Variants in TTLL5 observed in about 807,000 individuals in gnomAD.
TTLL5 encodes the protein tubulin tyrosine ligase like 5, also known as tubulin polyglutamylase TTLL5.
A neutral mutation model predicts 168.4 loss-of-function variants in TTLL5; 132 were observed. The ratio of observed to expected loss-of-function variants is 0.78; its 90% CI spans 0.68 to 0.91. The LOEUF is 0.91. TTLL5 is among the 40% of genes least tolerant of loss of function. TTLL5 has a pLI of 0.00. For missense variants in TTLL5, 1,545 were observed against 1,581.5 expected (o/e 0.98, Z 0.39); for synonymous variants, 546 against 558.6 (o/e 0.98, Z 0.32).
chr14:75,808,900 T>C (rs1227517034), intron 27 of TTLL5, among the ~76,000 whole-genome samples: 1 of 151,996 alleles, frequency 6.6e-6, no homozygotes, highest in African/African-American at 2.4e-5. Context: ...TGCTGGATTA[T>C]AGGTGTGTGC....
At chr14:75,897,181 G>GA (rs5809736) in intron 30 of TTLL5, among the ~76,000 whole-genome samples, 134,031 of 151,832 alleles carry the variant, frequency 0.88, 59,265 homozygotes, top group South Asian at 0.92. Flanking sequence ...TCAGACCTCA[G>GA]AAAAATGGCA....
intron 28 of TTLL5, among the ~76,000 whole-genome samples, chr14:75,822,735 G>C (rs1894901516): frequency 6.6e-6 from 1 of 152,210 alleles, no homozygotes; most frequent in Admixed American, 6.5e-5. Context: ...TTCTCCCGCT[G>C]TTTTGACATC....
chr14:75,783,365 G>T lies in TTLL5; in HGVS notation c.2821G>T (p.Ala941Ser). Residue 941 changes from alanine (A) to serine (S), a missense_variant, in exon 26 of 32, where the codon GCC (alanine) becomes TCC (serine). Physicochemically the swap from Ala to Ser is moderately conservative, Grantham distance 99. Coordinates refer to ENST00000298832, the MANE Select transcript of TTLL5 (RefSeq NM_015072.5). ...AACAATTTTACTGAACACAGTCTCT[G>T]CCAGTGCTTCTCCCTGCCTACATCC... Reference protein sequence around the residue: ...QPTILLNTVSASASPCLHPGA... With the variant: ...QPTILLNTVSSSASPCLHPGA... The T allele has an allele frequency of 6.2e-7, 1 of 1,614,096 alleles. No homozygotes were observed. The highest frequency in any genetic ancestry group is 8.5e-7 in the Non-Finnish European group (1 of 1,180,018).
chr14:75,765,370 G>A (rs1168985938), intron 19 of TTLL5, among the ~76,000 whole-genome samples: 1 of 152,108 alleles, frequency 6.6e-6, no homozygotes, highest in Non-Finnish European at 1.5e-5. Context: ...AATAAACATA[G>A]GATAGAAAGA....
At chr14:75,671,927 G>A (rs910640710) in intron 3 of TTLL5, among the ~76,000 whole-genome samples, 1 of 152,118 alleles carries the variant, frequency 6.6e-6, no homozygotes, top group Non-Finnish European at 1.5e-5. Context: ...ATAGAAAGAG[G>A]GTGTCTTTGT....
chr14:75,770,856 T>C (rs1243368430), intron 20 of TTLL5, among the ~76,000 whole-genome samples: 2 of 152,190 alleles, frequency 1.3e-5, no homozygotes, highest in Non-Finnish European at 2.9e-5. Flanking sequence ...CCTCATTTGC[T>C]CTGGGCTCCA....
rs143705641 is a variant in TTLL5, at chr14:75,928,479, C to T, written c.3824-25945C>T. Among the ~76,000 whole-genome samples, 165 of 151,272 alleles carry T rather than the reference C, an allele frequency of 1.1e-3. 1 individual carries two copies. The highest frequency in any genetic ancestry group is 3.8e-3 in the African/African-American group (155 of 41,170). ...GCTTTTATGGCAAAACACACAGACA[C>T]GCACTGAGCCACTTTTCAGCCTATA... On this transcript the variant is annotated intron_variant, in intron 31 of 31. Coordinates refer to ENST00000298832, the MANE Select transcript of TTLL5 (RefSeq NM_015072.5).
chr14:75,857,955 A>G (rs1897219132), intron 28 of TTLL5, among the ~76,000 whole-genome samples: 1 of 152,088 alleles, frequency 6.6e-6, no homozygotes, highest in South Asian at 2.1e-4. Flanking sequence ...CTGGCATAGA[A>G]TTCATTTTGT....
intron 29 of TTLL5, among the ~76,000 whole-genome samples, chr14:75,866,971 A>G (rs2030571187): frequency 6.6e-6 from 1 of 152,238 alleles, no homozygotes; most frequent in Non-Finnish European, 1.5e-5. Context: ...ACAAAATAAG[A>G]CAAAATTGAA....
chr14:75,913,674 TA>T (rs765739891), intron 31 of TTLL5, among the ~76,000 whole-genome samples: 146 of 152,276 alleles, frequency 9.6e-4, no homozygotes, highest in Admixed American at 1.5e-3. Context: ...TGCCTTTTTT[TA>T]TTCTTCTACT....
intron 31 of TTLL5, among the ~76,000 whole-genome samples, chr14:75,920,899 T>G (rs1018972415): frequency 2.0e-5 from 3 of 152,354 alleles, no homozygotes; most frequent in African/African-American, 7.2e-5. Context: ...GTTTCTTGAC[T>G]TTTTAATGAT....
intron 15 of TTLL5, among the ~76,000 whole-genome samples, chr14:75,735,680 A>G (rs1888846805): frequency 6.6e-6 from 1 of 152,194 alleles, no homozygotes; most frequent in African/African-American, 2.4e-5. Context: ...TGCTTTGTTG[A>G]AATAGTATCT....
At chr14:75,802,127 A>G (rs1893358818) in intron 27 of TTLL5, among the ~76,000 whole-genome samples, 1 of 151,948 alleles carries the variant, frequency 6.6e-6, no homozygotes, top group South Asian at 2.1e-4. Context: ...TAAAAATAAG[A>G]TTTATTCTGG....
chr14:75,874,855 G>A (rs2031331263), intron 29 of TTLL5, among the ~76,000 whole-genome samples: 1 of 149,180 alleles, frequency 6.7e-6, no homozygotes, highest in South Asian at 2.2e-4. Flanking sequence ...TGTACATATG[G>A]TATTTCAAAA....
chr14:75,900,210 G>A (rs893579626), intron 30 of TTLL5, among the ~76,000 whole-genome samples: 4 of 152,158 alleles, frequency 2.6e-5, no homozygotes, highest in African/African-American at 2.4e-5. Context: ...GTCCAAGGCC[G>A]AGGCTGATGG....
chr14:75,890,092 GTGT>G (rs1413991880), intron 30 of TTLL5, among the ~76,000 whole-genome samples: 1 of 152,212 alleles, frequency 6.6e-6, no homozygotes, highest in Non-Finnish European at 1.5e-5. Flanking sequence ...TGATTGCCCA[GTGT>G]TGTTTTGGAA....
intron 31 of TTLL5, among the ~76,000 whole-genome samples, chr14:75,936,117 G>A (rs577153881): frequency 1.3e-5 from 2 of 152,110 alleles, no homozygotes; most frequent in African/African-American, 4.8e-5. Flanking sequence ...AGCACCTGCT[G>A]TATCCCAGGT....
chr14:75,673,802 C>A (rs565140243), intron 3 of TTLL5, among the ~76,000 whole-genome samples: 1 of 152,300 alleles, frequency 6.6e-6, no homozygotes, highest in African/African-American at 2.4e-5. Flanking sequence ...CCTCCTTCCT[C>A]CCCAAGGATC....
intron 27 of TTLL5, among the ~76,000 whole-genome samples, chr14:75,801,826 GT>G (rs1322111429): frequency 6.6e-6 from 1 of 152,156 alleles, no homozygotes; most frequent in Non-Finnish European, 1.5e-5. Context: ...TAAAAAGAAA[GT>G]TGCTTTAGTT....
Sources: gnomAD v4.1 joint callset for allele counts (sites outside exome capture counted in the v4.1 genomes callset) on GRCh38, gnomAD v4.1.1 for gene constraint, MANE v1.5 for transcripts, NCBI Gene and HGNC (gene_info 2026-07-23, HGNC 2026-07-21) for gene names.